The following ARMC2 variants were observed in gnomAD, a reference collection of about 807,000 sequenced individuals.
ARMC2 encodes armadillo repeat containing 2.
Under a neutral mutation model 90.3 loss-of-function variants are expected in ARMC2, and 67 were observed. The ratio of observed to expected loss-of-function variants is 0.74; its 90% confidence interval spans 0.61 to 0.91. The LOEUF (loss-of-function observed/expected upper bound fraction) is 0.91, where lower values mean the gene tolerates loss of function less well. Ranked by LOEUF, ARMC2 falls within the 40% of genes least tolerant of loss-of-function variation. The pLI, the probability that ARMC2 is intolerant of heterozygous loss-of-function variation, is 0.00. For synonymous variants in ARMC2, 393 were observed against 393.0 expected (o/e 1.00, Z 0.00); for missense variants, 920 against 1,030.9 (o/e 0.89, Z 1.47).
intron 5 of ARMC2, among the ~76,000 whole-genome samples, chr6:108,881,058 G>A (rs532444399): frequency 6.6e-6 from 1 of 152,004 alleles, no homozygotes; most frequent in East Asian, 1.9e-4. Context: ...GTTTCACCAT[G>A]TTGGCCAGGA....
chr6:108,906,661 G>A (rs1181331362), intron 8 of ARMC2, among the ~76,000 whole-genome samples: 1 of 151,984 alleles, frequency 6.6e-6, no homozygotes, highest in Non-Finnish European at 1.5e-5. Context: ...TTTAAAAAAT[G>A]TTTTATAGAA....
chr6:108,929,789 T>A (rs1196057937), intron 11 of ARMC2, among the ~76,000 whole-genome samples: 1 of 152,098 alleles, frequency 6.6e-6, no homozygotes, highest in Admixed American at 6.5e-5. Context: ...GGCCTTCAAA[T>A]CTCTCACTTT....
chr6:108,852,546 G>A (rs571684434), intron 1 of ARMC2, among the ~76,000 whole-genome samples: 7 of 152,270 alleles, frequency 4.6e-5, no homozygotes, highest in Admixed American at 3.9e-4. Flanking sequence ...CTGAGTAAAT[G>A]TTCCTGCTTC....
intron 13 of ARMC2, among the ~76,000 whole-genome samples, chr6:108,956,495 C>T (rs75577482): frequency 2.0e-5 from 3 of 149,506 alleles, no homozygotes; most frequent in East Asian, 2.0e-4. Context: ...CCAGGGATTC[C>T]GGACCAGACT....
At chr6:108,931,627 G>T (rs1455823320) in intron 11 of ARMC2, among the ~76,000 whole-genome samples, 3 of 151,916 alleles carry the variant, frequency 2.0e-5, no homozygotes, top group African/African-American at 7.3e-5. Context: ...TGACTGGTGT[G>T]AGATGGTATC....
the ARMC2 span, among the ~76,000 whole-genome samples, chr6:109,002,971 A>C: frequency 6.6e-6 from 1 of 152,066 alleles, no homozygotes; most frequent in Non-Finnish European, 1.5e-5. Context: ...AATCTTGCCC[A>C]TATTATATTT....
In ARMC2 at chr6:108,868,874, C is replaced by T. The variant is rs1363305090; in HGVS notation, c.342C>T (p.Ser114=). 3 of 1,613,840 alleles carry T rather than the reference C, an allele frequency of 1.9e-6. No individual in the cohort carries two copies. In the African/African-American group the frequency reaches 4.0e-5, roughly 22 times the overall value. ...SPTREEDSCF[S]FPKPPVDPAK... Reference sequence around the variant, plus strand: ...CCAGAGAGGAGGATTCCTGCTTTTCCTTTCCTAAGCCCCCAGTGGACCCTG... The same window carrying T: ...CCAGAGAGGAGGATTCCTGCTTTTCTTTTCCTAAGCCCCCAGTGGACCCTG... Residue 114 remains serine (S), a synonymous_variant, in exon 4 of 18, where the codon TCC becomes TCT. Transcript: ENST00000392644.
intron 5 of ARMC2, among the ~76,000 whole-genome samples, chr6:108,880,664 T>C (rs182775130): frequency 3.3e-5 from 5 of 152,156 alleles, no homozygotes; most frequent in African/African-American, 9.6e-5. Flanking sequence ...TGTGAACCAA[T>C]GTGTTCCTTT....
At chr6:108,944,558 A>G (rs943903163) in intron 12 of ARMC2, among the ~76,000 whole-genome samples, 4 of 152,184 alleles carry the variant, frequency 2.6e-5, no homozygotes, top group African/African-American at 9.7e-5. Context: ...TTGGCTAGAC[A>G]AGCTGCGAGT....
At chr6:108,902,560 GTC>G (rs747641354) in intron 7 of ARMC2, among the ~76,000 whole-genome samples, 2 of 152,172 alleles carry the variant, frequency 1.3e-5, no homozygotes, top group Non-Finnish European at 2.9e-5. Flanking sequence ...GTTAGGCTAA[GTC>G]ATTTCCCATC....
chr6:108,909,356 C>T (rs947077909), intron 8 of ARMC2, among the ~76,000 whole-genome samples: 2 of 151,704 alleles, frequency 1.3e-5, no homozygotes, highest in Non-Finnish European at 1.5e-5. Flanking sequence ...ATATTAGATA[C>T]TTAGGATGTT....
At chr6:108,932,993 T>C (rs1775698564) in intron 11 of ARMC2, among the ~76,000 whole-genome samples, 2 of 152,182 alleles carry the variant, frequency 1.3e-5, no homozygotes, top group Non-Finnish European at 1.5e-5. Flanking sequence ...AATTAGGCAA[T>C]GTGATGCCTC....
chr6:108,889,384 G>T (rs889953156), intron 5 of ARMC2, among the ~76,000 whole-genome samples: 5 of 151,812 alleles, frequency 3.3e-5, no homozygotes, highest in African/African-American at 1.2e-4. Flanking sequence ...GACCTCAGGC[G>T]ATCCGCCTGC....
At chr6:108,969,059 CA>C (rs1177515716) in intron 17 of ARMC2, among the ~76,000 whole-genome samples, 15 of 152,254 alleles carry the variant, frequency 9.9e-5, no homozygotes, top group Admixed American at 4.6e-4. Context: ...ACCTGATGAC[CA>C]TGTGTGTAGT....
intron 12 of ARMC2, among the ~76,000 whole-genome samples, chr6:108,942,074 C>T (rs1776483230): frequency 1.3e-5 from 2 of 152,040 alleles, no homozygotes; most frequent in African/African-American, 4.8e-5. Context: ...AGTGGTTCTC[C>T]AAATGGTTAT....
In ARMC2 at chr6:108,890,958, A is replaced by G. The variant is rs537263782; in HGVS notation, c.672-3509A>G. Among the ~76,000 whole-genome samples the G allele has an allele frequency of 2.0e-3, 241 of 123,512 alleles. 1 individual carries two copies. The highest frequency in any genetic ancestry group is 7.4e-3 in the African/African-American group (230 of 31,068). The allele number at this position is 123,512 out of a possible 152,430, so 81.0% of individuals were successfully genotyped here. Reference sequence around the variant, plus strand: ...GTGTGATGTGCCCCTCTCTGTGTTCATGTGTTCTCATTGTTCAACTCCCAC... The same window carrying G: ...GTGTGATGTGCCCCTCTCTGTGTTCGTGTGTTCTCATTGTTCAACTCCCAC... On this transcript the variant is annotated intron_variant, in intron 5 of 17. Coordinates refer to ENST00000392644, the MANE Select transcript of ARMC2 (RefSeq NM_032131.6).
chr6:109,028,354 T>C, the ARMC2 span, among the ~76,000 whole-genome samples: 1 of 152,202 alleles, frequency 6.6e-6, no homozygotes, highest in Non-Finnish European at 1.5e-5. Flanking sequence ...TACAGATAAC[T>C]TTTTGGAGTA....
At chr6:108,876,541 A>G (rs1260265807) in intron 5 of ARMC2, among the ~76,000 whole-genome samples, 191 bp downstream of exon 5, 1 of 152,210 alleles carries the variant, frequency 6.6e-6, no homozygotes, top group Non-Finnish European at 1.5e-5. Context: ...TTCCTTATAT[A>G]ATACTCAAGA....
At chr6:108,955,452 A>G (rs190490155) in intron 13 of ARMC2, among the ~76,000 whole-genome samples, 19 of 152,218 alleles carry the variant, frequency 1.2e-4, no homozygotes, top group African/African-American at 3.6e-4. Flanking sequence ...CGTTTTTGTT[A>G]TTTTCATCAT....
Sources: allele counts gnomAD v4.1 joint callset (sites outside exome capture counted in the v4.1 genomes callset), GRCh38; gene constraint gnomAD v4.1.1; transcripts MANE v1.5; gene names NCBI Gene and HGNC (gene_info 2026-07-23, HGNC 2026-07-21).